Variants in GALNTL6 observed in about 807,000 individuals in gnomAD.
The protein encoded by GALNTL6 is polypeptide N-acetylgalactosaminyltransferase-like 6.
Under a neutral mutation model 73.7 loss-of-function variants are expected in GALNTL6, and 46 were observed. The observed-to-expected ratio is 0.62, with a 90% CI of 0.49 to 0.80. The LOEUF (loss-of-function observed/expected upper bound fraction) is 0.80. GALNTL6 is among the 30% of genes least tolerant of loss of function. GALNTL6 has a pLI of 0.00. For missense variants in GALNTL6, 604 were observed against 755.0 expected, an observed-to-expected ratio of 0.80 and a Z score of 2.34; for synonymous variants, 259 against 263.7, an observed-to-expected ratio of 0.98 and a Z score of 0.17.
intron 5 of GALNTL6, among the ~76,000 whole-genome samples, chr4:172,591,219 G>C (rs910230182): frequency 3.9e-5 from 6 of 152,080 alleles, no homozygotes; most frequent in Non-Finnish European, 8.8e-5. Context: ...ATTCTTCTCA[G>C]TTCATGACTT....
chr4:172,903,220 A>G (rs1012143694), intron 8 of GALNTL6, among the ~76,000 whole-genome samples: 1 of 152,172 alleles, frequency 6.6e-6, no homozygotes, highest in African/African-American at 2.4e-5. Context: ...GCCTCAATCT[A>G]TACTGCACAC....
intron 5 of GALNTL6, among the ~76,000 whole-genome samples, chr4:172,513,807 G>A (rs1201827171): frequency 6.6e-6 from 1 of 152,184 alleles, no homozygotes; most frequent in African/African-American, 2.4e-5. Flanking sequence ...TGCTCTGTTG[G>A]AGGTAGGAGT....
chr4:172,176,155 C>T (rs898649834), intron 2 of GALNTL6, among the ~76,000 whole-genome samples: 16 of 151,228 alleles, frequency 1.1e-4, no homozygotes, highest in East Asian at 9.8e-4. Flanking sequence ...CTGGCTAACA[C>T]GGTGAAACCC....
intron 2 of GALNTL6, among the ~76,000 whole-genome samples, chr4:172,065,493 A>T (rs747932494): frequency 3.3e-5 from 5 of 152,100 alleles, no homozygotes; most frequent in African/African-American, 9.7e-5. Context: ...CAAATGTAAC[A>T]TCATAGGTAG....
At chr4:172,828,676 A>T (rs984535882) in intron 7 of GALNTL6, among the ~76,000 whole-genome samples, 4 of 152,234 alleles carry the variant, frequency 2.6e-5, no homozygotes, top group African/African-American at 9.6e-5. Context: ...TCTGTGTAGA[A>T]AGGGAACAAG....
At chr4:172,643,289 A>T (rs1280145258) in intron 5 of GALNTL6, among the ~76,000 whole-genome samples, 1 of 151,950 alleles carries the variant, frequency 6.6e-6, no homozygotes, top group Admixed American at 6.6e-5. Flanking sequence ...CTTTGATTAC[A>T]ACTATGATTT....
chr4:172,995,113 C>G (rs1485022073), intron 10 of GALNTL6, among the ~76,000 whole-genome samples: 1 of 152,084 alleles, frequency 6.6e-6, no homozygotes, highest in East Asian at 1.9e-4. Context: ...GTACTAGAAC[C>G]AGAGCAAATC....
intron 7 of GALNTL6, among the ~76,000 whole-genome samples, chr4:172,826,564 C>A (rs1742278712): frequency 6.6e-6 from 1 of 152,234 alleles, no homozygotes; most frequent in Admixed American, 6.5e-5. Flanking sequence ...GCATTTGAAG[C>A]AGGCTCAGAA....
intron 2 of GALNTL6, among the ~76,000 whole-genome samples, chr4:171,837,400 G>A (rs545645771): frequency 6.6e-6 from 1 of 151,768 alleles, no homozygotes; most frequent in Non-Finnish European, 1.5e-5. Flanking sequence ...TTGGTGAAAC[G>A]TGGTGGGATC....
chr4:172,149,631 G>A (rs900979438), intron 2 of GALNTL6, among the ~76,000 whole-genome samples: 2 of 151,982 alleles, frequency 1.3e-5, no homozygotes, highest in Non-Finnish European at 2.9e-5. Flanking sequence ...AGTCACCGGG[G>A]GATGCTTCCA....
At chr4:172,648,952 A>C (rs1740361343) in intron 5 of GALNTL6, among the ~76,000 whole-genome samples, 1 of 152,176 alleles carries the variant, frequency 6.6e-6, no homozygotes, top group Non-Finnish European at 1.5e-5. Context: ...TGCATTTGAC[A>C]ACTACACTTA....
At chr4:171,945,060 C>T (rs1334467283) in intron 2 of GALNTL6, among the ~76,000 whole-genome samples, 4 of 151,918 alleles carry the variant, frequency 2.6e-5, no homozygotes, top group Non-Finnish European at 5.9e-5. Context: ...GAGAAGATGG[C>T]GGGAAGGAGC....
At chr4:172,801,388 A>G (rs1740630755) in intron 5 of GALNTL6, among the ~76,000 whole-genome samples, 5 of 152,174 alleles carry the variant, frequency 3.3e-5, no homozygotes, top group Admixed American at 2.6e-4. Context: ...TCTTTTAACT[A>G]TAGCTCTCTC....
intron 8 of GALNTL6, among the ~76,000 whole-genome samples, 161 bp downstream of exon 8, chr4:172,883,068 T>G (rs913829580): frequency 2.0e-5 from 3 of 152,202 alleles, no homozygotes; most frequent in Non-Finnish European, 1.5e-5. Flanking sequence ...TTTTTGGTTT[T>G]TGTTTTTATT....
intron 2 of GALNTL6, among the ~76,000 whole-genome samples, chr4:172,178,069 G>T (rs971670266): frequency 3.3e-5 from 5 of 151,874 alleles, no homozygotes; most frequent in African/African-American, 7.3e-5. Flanking sequence ...AATGTAAAGT[G>T]AATGGGCTTT....
chr4:172,945,950 CA>C (rs1380668465), intron 9 of GALNTL6, among the ~76,000 whole-genome samples: 17 of 152,118 alleles, frequency 1.1e-4, no homozygotes, highest in Non-Finnish European at 2.9e-5. Flanking sequence ...TACTGAGCCA[CA>C]AAAGCACTCT....
intron 5 of GALNTL6, among the ~76,000 whole-genome samples, chr4:172,755,953 A>G (rs1415793403): frequency 6.6e-6 from 1 of 152,214 alleles, no homozygotes; most frequent in Non-Finnish European, 1.5e-5. Flanking sequence ...CAGCATATAG[A>G]AGTCTCCCTT....
At chr4:172,930,075 A>C (rs1011851401) in intron 8 of GALNTL6, among the ~76,000 whole-genome samples, 1 of 152,146 alleles carries the variant, frequency 6.6e-6, no homozygotes, top group Non-Finnish European at 1.5e-5. Flanking sequence ...TCAGGAGTTC[A>C]AGACCAGCCT....
chr4:172,882,737 C>G, intron 7 of GALNTL6, 53 bp from the exon 8 acceptor site: 4 of 1,147,762 alleles, frequency 3.5e-6, no homozygotes. Context: ...AAGGAAAATG[C>G]CATTGTCTGT....
Sources: gnomAD v4.1 joint callset for allele counts (sites outside exome capture counted in the v4.1 genomes callset) on GRCh38, gnomAD v4.1.1 for gene constraint, MANE v1.5 for transcripts, NCBI Gene and HGNC (gene_info 2026-07-23, HGNC 2026-07-21) for gene names.